MADCAM1: variants seen among roughly 807,000 people sequenced by gnomAD.
MADCAM1 encodes mucosal vascular addressin cell adhesion molecule 1.
A neutral mutation model predicts 26.1 loss-of-function variants in MADCAM1; 19 were observed. The observed-to-expected ratio is 0.73, with a 90% CI of 0.51 to 1.07. MADCAM1 has a LOEUF of 1.07. Among genes scored for constraint, MADCAM1 ranks in the 50% least tolerant of loss-of-function variants. The pLI is 0.00. For synonymous variants in MADCAM1, 268 were observed against 260.9 expected (o/e 1.03, Z -0.26); for missense variants, 514 against 542.1 (o/e 0.95, Z 0.51).
intron 3 of MADCAM1, chr19:499,977 G>C: frequency 2.2e-6 from 1 of 448,544 alleles, no homozygotes; most frequent in Non-Finnish European, 4.5e-6. Context: ...TGGGAGACCC[G>C]GGAGGTCTTT....
Position 503,560 on chromosome 19 carries a change from G to C in MADCAM1, c.929-1185G>C, listed in dbSNP as rs1347928922. On this transcript the variant is annotated intron_variant, in intron 4 of 4. Transcript: ENST00000215637. The stretch of plus-strand genomic sequence containing the variant: ...CGCGCCACTGCACTCCAACCTGGGA[G>C]ACAGCAAGACTCCGTCTCAAAAAAA... 3.9e-5 allele frequency among the ~76,000 whole-genome samples: 5 copies of C among 127,232 alleles called. No individual in the cohort carries two copies. In the South Asian group the frequency reaches 1.0e-3, roughly 25 times the overall value. 83.5% of individuals were successfully genotyped at this position (127,232 alleles called of 152,430 possible). A position where few individuals can be genotyped will look rare whatever the true frequency, so the allele number is the denominator to read the frequency against.
Position 498,493 on chromosome 19 carries a change from C to T in MADCAM1, c.338-3C>T. On this transcript the variant is annotated splice_polypyrimidine_tract_variant and splice_region_variant and intron_variant, in intron 2 of 4. Coordinates refer to ENST00000215637, the MANE Select transcript of MADCAM1 (RefSeq NM_130760.3). ...AGCCCTCACCCCCGACCCTCCATCA[C>T]AGCCTTCCCGGACCAGCTGACCGTC... is the stretch of plus-strand genomic sequence containing the variant. 1 of 1,463,356 alleles carries T rather than the reference C, an allele frequency of 6.8e-7. No homozygotes were observed. The highest frequency in any genetic ancestry group is 9.0e-7 in the Non-Finnish European group (1 of 1,112,834). The allele number at this position is 1,463,356 out of a possible 1,614,324, so 90.6% of individuals were successfully genotyped here. A position where few individuals can be genotyped will look rare whatever the true frequency, so the allele number is the denominator to read the frequency against.
intron 3 of MADCAM1, chr19:500,192 G>T (rs1037668371): frequency 2.2e-6 from 1 of 456,246 alleles, no homozygotes; most frequent in South Asian, 1.5e-5. Flanking sequence ...CATAATAAAC[G>T]CGGGACCCAC....
At position 497,900 on chromosome 19, in the gene MADCAM1, C is replaced by T; in HGVS notation, c.120C>T (p.Gly40=). The T allele has an allele frequency of 7.3e-7, 1 of 1,366,482 alleles. No homozygotes were observed. The highest frequency in any genetic ancestry group is 1.7e-5 in the South Asian group (1 of 57,324). The allele number at this position is 1,366,482 out of a possible 1,614,324, so 84.6% of individuals were successfully genotyped here. A position where few individuals can be genotyped will look rare whatever the true frequency, so the allele number is the denominator to read the frequency against. Residue 40 remains glycine (G), a synonymous_variant, in exon 2 of 5, where the codon GGC becomes GGT. Transcript: ENST00000215637. ...PPEPVVAVAL[G]ASRQLTCRLA... is the part of the protein sequence containing the mutation. ...AGCCGGTGGTGGCCGTGGCCTTGGGCGCCTCGCGCCAGCTCACCTGCCGCC... is the reference window on the plus strand; with the variant it reads ...AGCCGGTGGTGGCCGTGGCCTTGGGTGCCTCGCGCCAGCTCACCTGCCGCC...
rs747277662 is a variant in MADCAM1, at chr19:496,541, G to C, written c.42G>C (p.Gly14=). The C allele has an allele frequency of 5.0e-5, 65 of 1,305,058 alleles. No individual in the cohort carries two copies. The highest frequency in any genetic ancestry group is 1.6e-4 in the Admixed American group (5 of 31,722). 80.8% of individuals were successfully genotyped at this position (1,305,058 alleles called of 1,614,324 possible). ...GLALLLAGLL[G]LLLGQSLQVK... ...CCCTCCTGCTGGCGGGGCTTCTGGG[G>C]CTCCTCCTCGGTGAGAAGGGGAGGG... Residue 14 remains glycine (G), a synonymous_variant, in exon 1 of 5, where the codon GGG becomes GGC. Coordinates refer to ENST00000215637, the MANE Select transcript of MADCAM1 (RefSeq NM_130760.3).
At chr19:503,365 A>C (rs1978438748) in intron 4 of MADCAM1, among the ~76,000 whole-genome samples, 1 of 149,380 alleles carries the variant, frequency 6.7e-6, no homozygotes, top group South Asian at 2.1e-4. Flanking sequence ...GCGGATCACG[A>C]GGTCAGGAGA....
At position 504,729 on chromosome 19, in the gene MADCAM1, T is replaced by C. The variant is rs764638463; in HGVS notation, c.929-16T>C. The C allele has an allele frequency of 6.3e-7, 1 of 1,585,622 alleles. No homozygotes were observed. Among genetic ancestry groups the C allele is most frequent in the East Asian group, 2.3e-5 (1 of 44,250 alleles). On this transcript the variant is annotated splice_polypyrimidine_tract_variant and intron_variant, in intron 4 of 4. Coordinates refer to ENST00000215637, the MANE Select transcript of MADCAM1 (RefSeq NM_130760.3). ...CTGGAGGGCTCTGACCGGGGTCTCC[T>C]GCACTCTCTCCCCAGCGTCCAAACC... is the stretch of plus-strand genomic sequence containing the variant.
chr19:498,674 G>A lies in MADCAM1; in HGVS notation c.516G>A (p.Glu172=). 2 of 1,452,548 alleles carry A rather than the reference G, an allele frequency of 1.4e-6. No homozygotes were observed. The highest frequency in any genetic ancestry group is 9.0e-7 in the Non-Finnish European group (1 of 1,106,928). 90.0% of individuals were successfully genotyped at this position (1,452,548 alleles called of 1,614,324 possible). ...TGGGCCCGGAGGTGCAGGAGGAGGA[G>A]GAGGAGCCCCAGGGGGACGAGGACG... The part of the protein sequence containing the change: ...QALGPEVQEE[E]EEPQGDEDVL... Residue 172 remains glutamate, a synonymous_variant, in exon 3 of 5, where the codon GAG becomes GAA. Coordinates refer to ENST00000215637, the MANE Select transcript of MADCAM1 (RefSeq NM_130760.3).
At position 496,571 on chromosome 19, in the gene MADCAM1, C is replaced by T. The variant is rs558284477; in HGVS notation, c.52+20C>T. 6.6e-6 allele frequency: 8 copies of T among 1,209,624 alleles called. No individual in the cohort carries two copies. The highest frequency in any genetic ancestry group is 4.2e-5 in the African/African-American group (2 of 47,168). The allele number at this position is 1,209,624 out of a possible 1,614,324, so 74.9% of individuals were successfully genotyped here. A position where few individuals can be genotyped will look rare whatever the true frequency, so the allele number is the denominator to read the frequency against. ...TCCTCGGTGAGAAGGGGAGGGGGCG[C>T]GGGAGAGAGGAGTGAGTTAGGAGGG... is the stretch of plus-strand genomic sequence containing the variant. On this transcript the variant is annotated intron_variant, in intron 1 of 4. Coordinates refer to ENST00000215637, the MANE Select transcript of MADCAM1 (RefSeq NM_130760.3).
Position 497,149 on chromosome 19 carries a change from G to A in MADCAM1, c.52+598G>A, listed in dbSNP as rs191031572. On this transcript the variant is annotated intron_variant, in intron 1 of 4. Transcript: ENST00000215637. Reference sequence around the variant, plus strand: ...AGAAGGGGCTCAGGAGAGAGAAGGGGCGCAGGAGAGAGGAGGGGCGCGGAG... The same window carrying A: ...AGAAGGGGCTCAGGAGAGAGAAGGGACGCAGGAGAGAGGAGGGGCGCGGAG... 6.4e-3 allele frequency among the ~76,000 whole-genome samples: 192 copies of A among 29,954 alleles called. 2 individuals carry two copies. The highest frequency in any genetic ancestry group is 7.5e-3 in the Non-Finnish European group (110 of 14,692). 19.7% of individuals were successfully genotyped at this position (29,954 alleles called of 152,430 possible). A position where few individuals can be genotyped will look rare whatever the true frequency, so the allele number is the denominator to read the frequency against.
Position 498,034 on chromosome 19 carries a change from C to A in MADCAM1, c.254C>A (p.Ser85Ter). Residue 85 changes from serine (S) to a stop codon, truncating the protein, a stop_gained, in exon 2 of 5, where the codon TCG (serine) becomes TAG (stop). Coordinates refer to ENST00000215637, the MANE Select transcript of MADCAM1 (RefSeq NM_130760.3). LOFTEE classifies it high-confidence loss of function. ...GRSVLTVRNA[S>*]LSAAGTRVCV... ...AGCGTCCTCACCGTGCGCAACGCCT[C>A]GCTGTCGGCGGCCGGGACCCGCGTG... The A allele has an allele frequency of 6.7e-7, 1 of 1,494,292 alleles. No homozygotes were observed. Among genetic ancestry groups the A allele is most frequent in the Non-Finnish European group, 8.9e-7 (1 of 1,128,024 alleles). 92.6% of individuals were successfully genotyped at this position (1,494,292 alleles called of 1,614,324 possible). A position where few individuals can be genotyped will look rare whatever the true frequency, so the allele number is the denominator to read the frequency against.
rs924393302 is a variant in MADCAM1 at position 505,186 on chromosome 19, C to G, written c.*221C>G. The G allele has an allele frequency of 2.1e-6, 1 of 473,412 alleles. No individual in the cohort carries two copies. The highest frequency in any genetic ancestry group is 3.7e-6 in the Non-Finnish European group (1 of 266,774). The allele number at this position is 473,412 out of a possible 1,614,324, so 29.3% of individuals were successfully genotyped here. Reference sequence around the variant, plus strand: ...GACCTGAAGCCCCTCCCTGAGTGGTCCCCACCTTTCTGGACGGAACCACGT... The same window carrying G: ...GACCTGAAGCCCCTCCCTGAGTGGTGCCCACCTTTCTGGACGGAACCACGT... On this transcript the variant is annotated 3_prime_UTR_variant, in exon 5 of 5. Coordinates refer to ENST00000215637, the MANE Select transcript of MADCAM1 (RefSeq NM_130760.3).
chr19:502,929 C>A (rs112039732), intron 4 of MADCAM1, among the ~76,000 whole-genome samples: 1 of 152,084 alleles, frequency 6.6e-6, no homozygotes, highest in African/African-American at 2.4e-5. Context: ...AAGTTGCTTA[C>A]GAAAGATTTG....
In MADCAM1 at chr19:504,952, T is replaced by A; in HGVS notation, c.1136T>A (p.Ile379Asn). ...AGLRGTGQVG[I>N]SPS is the part of the protein sequence containing the mutation. ...TTAAGGGGGACCGGCCAGGTCGGGA[T>A]CAGCCCCTCCTGAGTGGCCAGCCTT... is the stretch of plus-strand genomic sequence containing the variant. The change falls in exon 5 of 5, where the codon ATC becomes AAC. Residue 379 changes from isoleucine to asparagine, a missense_variant. Physicochemically the swap from Ile to Asn is moderately radical, Grantham distance 149 (BLOSUM62 -3). Transcript: ENST00000215637. 1 of 1,595,750 alleles carries A rather than the reference T, an allele frequency of 6.3e-7. No homozygotes were observed. The highest frequency in any genetic ancestry group is 8.6e-7 in the Non-Finnish European group (1 of 1,166,114).
rs1433526759 is a variant in MADCAM1, at chr19:504,886, C to T, written c.1070C>T (p.Ala357Val). The change falls in exon 5 of 5, where the codon GCT (alanine) becomes GTT (valine). Residue 357 changes from alanine to valine, a missense_variant. By Grantham distance (64) the Ala-to-Val change is moderately conservative. This residue lies in a region of MADCAM1 where 152 missense variants were observed against 136.7 expected (regional missense o/e 1.11). Coordinates refer to ENST00000215637, the MANE Select transcript of MADCAM1 (RefSeq NM_130760.3). Reference protein sequence around the residue: ...HLAEDDTHPPASLRLLPQVSA... With the variant: ...HLAEDDTHPPVSLRLLPQVSA... ...GCTGAGGACGACACCCACCCACCAG[C>T]TTCTCTGAGGCTTCTGCCCCAGGTG... 1.2e-6 allele frequency: 2 copies of T among 1,612,894 alleles called. No homozygotes were observed. Among genetic ancestry groups the T allele is most frequent in the African/African-American group, 2.7e-5 (2 of 74,942 alleles).
At position 501,947 on chromosome 19, in the gene MADCAM1, G is replaced by T. The variant is rs753339990; in HGVS notation, c.928+18G>T. The T allele has an allele frequency of 6.8e-7, 1 of 1,474,118 alleles. No individual in the cohort carries two copies. Among genetic ancestry groups the T allele is most frequent in the East Asian group, 2.4e-5 (1 of 41,274 alleles). 91.3% of individuals were successfully genotyped at this position (1,474,118 alleles called of 1,614,324 possible). ...AACAGGCTGTGAGTTCTGGTCCCTG[G>T]GGGCAGGGAGGGTGGGAAGGGCTGA... On this transcript the variant is annotated intron_variant, in intron 4 of 4. Transcript: ENST00000215637.
chr19:497,917 C>A lies in MADCAM1; in HGVS notation c.137C>A (p.Thr46Asn). The A allele has an allele frequency of 7.2e-7, 1 of 1,385,944 alleles. No individual in the cohort carries two copies. The highest frequency in any genetic ancestry group is 9.3e-7 in the Non-Finnish European group (1 of 1,077,402). 85.9% of individuals were successfully genotyped at this position (1,385,944 alleles called of 1,614,324 possible). Residue 46 changes from threonine (T) to asparagine (N), a missense_variant, in exon 2 of 5, where the codon ACC becomes AAC. Around this residue, in one of 3 missense-constraint regions of MADCAM1, gnomAD observed 317 missense variants for 313.6 expected, o/e 1.01. Transcript: ENST00000215637. ...AVALGASRQL[T>N]CRLACADRGA... ...GCCTTGGGCGCCTCGCGCCAGCTCA[C>A]CTGCCGCCTGGCCTGCGCGGACCGC...
intron 3 of MADCAM1, among the ~76,000 whole-genome samples, chr19:501,167 C>T (rs548232533): frequency 4.0e-5 from 6 of 148,978 alleles, no homozygotes; most frequent in African/African-American, 9.9e-5. Flanking sequence ...CCAGCCTGCA[C>T]GACAGAGTGA....
At chr19:500,930 A>C (rs1444620113) in intron 3 of MADCAM1, among the ~76,000 whole-genome samples, 4 of 151,768 alleles carry the variant, frequency 2.6e-5, no homozygotes, top group Admixed American at 1.3e-4. Flanking sequence ...AGAAACAAAA[A>C]TGTAGGCCAG....
Sources: allele counts gnomAD v4.1 joint callset (sites outside exome capture counted in the v4.1 genomes callset), GRCh38; gene constraint gnomAD v4.1.1; regional missense constraint gnomAD v4.1.1; transcripts MANE v1.5; gene names NCBI Gene and HGNC (gene_info 2026-07-23, HGNC 2026-07-21).